The following BNC2 variants were observed in gnomAD, a reference collection of about 807,000 sequenced individuals.
The protein encoded by BNC2 is basonuclin zinc finger protein 2, also known as zinc finger protein basonuclin-2.
Under a neutral mutation model 76.3 loss-of-function variants are expected in BNC2, and 20 were observed. The observed-to-expected ratio is 0.26, with a 90% CI of 0.18 to 0.38. The LOEUF (loss-of-function observed/expected upper bound fraction) is 0.38. BNC2 is among the 10% of genes least tolerant of loss of function. The probability of loss-of-function intolerance (pLI) is 1.00; values close to 1 mark genes in which losing one functional copy is unlikely to be tolerated. For synonymous variants in BNC2, 582 were observed against 514.8 expected (o/e 1.13, Z -1.77); for missense variants, 1,382 against 1,399.8 (o/e 0.99, Z 0.20).
intron 1 of BNC2, among the ~76,000 whole-genome samples, chr9:16,741,778 TG>T (rs1404244308): frequency 1.3e-5 from 2 of 151,906 alleles, no homozygotes; most frequent in East Asian, 3.9e-4. Flanking sequence ...GCCAACGTGG[TG>T]AAACCCCGTC....
At chr9:16,510,453 TC>T (rs571139023) in intron 5 of BNC2, among the ~76,000 whole-genome samples, 156 of 152,326 alleles carry the variant, frequency 1.0e-3, no homozygotes, top group Admixed American at 1.6e-3. Flanking sequence ...GTATCTGACC[TC>T]CTTTCACGTA....
chr9:16,676,282 TA>T (rs1822639842), intron 3 of BNC2, among the ~76,000 whole-genome samples: 1 of 152,170 alleles, frequency 6.6e-6, no homozygotes, highest in African/African-American at 2.4e-5. Context: ...TATTCTTATA[TA>T]AAAATATGGA....
chr9:16,612,881 T>C (rs1820588973), intron 3 of BNC2, among the ~76,000 whole-genome samples: 1 of 152,182 alleles, frequency 6.6e-6, no homozygotes, highest in Non-Finnish European at 1.5e-5. Context: ...TGTCTTGTTT[T>C]ACTTGGCACC....
intron 3 of BNC2, among the ~76,000 whole-genome samples, chr9:16,702,553 A>G (rs1229224170): frequency 6.6e-6 from 1 of 152,004 alleles, no homozygotes; most frequent in Non-Finnish European, 1.5e-5. Context: ...AAAAAAAAAA[A>G]AAAGACATCT....
intron 6 of BNC2, among the ~76,000 whole-genome samples, chr9:16,433,570 T>C (rs1229619811): frequency 6.6e-6 from 1 of 152,212 alleles, no homozygotes; most frequent in Non-Finnish European, 1.5e-5. Context: ...AATATTTTCC[T>C]GCTATCAATA....
At chr9:16,848,007 C>G (rs1269937751) in intron 1 of BNC2, among the ~76,000 whole-genome samples, 1 of 152,214 alleles carries the variant, frequency 6.6e-6, no homozygotes, top group Non-Finnish European at 1.5e-5. Flanking sequence ...TTCTAAGTCT[C>G]TGTTCAAAGA....
chr9:16,601,989 T>C (rs1319686744), intron 3 of BNC2, among the ~76,000 whole-genome samples: 2 of 152,198 alleles, frequency 1.3e-5, no homozygotes, highest in Non-Finnish European at 2.9e-5. Flanking sequence ...CGTCAAAGTA[T>C]GGAGCCATAT....
intron 1 of BNC2, among the ~76,000 whole-genome samples, chr9:16,741,229 G>A (rs1345837312): frequency 2.0e-5 from 3 of 152,072 alleles, no homozygotes; most frequent in East Asian, 1.9e-4. Context: ...CGAGGTGGGC[G>A]GATCACCTGA....
At chr9:16,508,490 C>T (rs532357113) in intron 5 of BNC2, among the ~76,000 whole-genome samples, 1 of 152,346 alleles carries the variant, frequency 6.6e-6, no homozygotes, top group South Asian at 2.1e-4. Flanking sequence ...GACGTTCAAG[C>T]CACTATCCAT....
chr9:16,449,264 G>A (rs769363451), intron 5 of BNC2, among the ~76,000 whole-genome samples: 6 of 152,116 alleles, frequency 3.9e-5, no homozygotes, highest in Admixed American at 2.0e-4. Context: ...AGCTGCAAAC[G>A]TGCCATTAGA....
chr9:16,515,082 A>G (rs1375025178), intron 5 of BNC2, among the ~76,000 whole-genome samples: 2 of 152,204 alleles, frequency 1.3e-5, no homozygotes, highest in Non-Finnish European at 2.9e-5. Flanking sequence ...CTATTTACAT[A>G]ATTCTTGCAT....
In BNC2 at chr9:16,707,252, C is replaced by G. The variant is rs183968614; in HGVS notation, c.330+20545G>C. ...AGACATTTGATTTTTTTCAAGTAAT[C>G]TGATTTATTATCAATGTGCATATTC... On this transcript the variant is annotated intron_variant, in intron 3 of 6. Coordinates refer to ENST00000380672, the MANE Select transcript of BNC2 (RefSeq NM_017637.6). Among the ~76,000 whole-genome samples, 129 of 150,866 alleles carry G rather than the reference C, an allele frequency of 8.6e-4. 2 individuals carry two copies. The highest frequency in any genetic ancestry group is 3.0e-3 in the African/African-American group (125 of 41,372).
rs183650881 is a variant in BNC2, at chr9:16,643,148, C to G, written c.331-60063G>C. Among the ~76,000 whole-genome samples, 10 of 151,796 alleles carry G rather than the reference C, an allele frequency of 6.6e-5. No individual in the cohort carries two copies. The East Asian group carries it at 1.9e-3, about 29-fold the overall frequency. On this transcript the variant is annotated intron_variant, in intron 3 of 6. Coordinates refer to ENST00000380672, the MANE Select transcript of BNC2 (RefSeq NM_017637.6). ...AGCTGGCATTAATTTGGGATTAAAACGTATGAGGTTAGCCGGGCATGGTGG... is the reference window on the plus strand; with the variant it reads ...AGCTGGCATTAATTTGGGATTAAAAGGTATGAGGTTAGCCGGGCATGGTGG...
intron 4 of BNC2, among the ~76,000 whole-genome samples, chr9:16,563,445 C>A (rs1245437324): frequency 2.0e-5 from 3 of 151,836 alleles, no homozygotes; most frequent in South Asian, 2.1e-4. Flanking sequence ...AGAGCGAAAC[C>A]CTGTATCTAC....
At chr9:16,534,552 T>C (rs1212510258) in intron 5 of BNC2, among the ~76,000 whole-genome samples, 1 of 152,160 alleles carries the variant, frequency 6.6e-6, no homozygotes, top group Non-Finnish European at 1.5e-5. Flanking sequence ...AATTGCATGT[T>C]TGTCTTCTGG....
chr9:16,777,043 T>C (rs917341408), intron 1 of BNC2, among the ~76,000 whole-genome samples: 1 of 151,846 alleles, frequency 6.6e-6, no homozygotes, highest in Non-Finnish European at 1.5e-5. Flanking sequence ...AGAGAATCAC[T>C]TGAACCTAGG....
At chr9:16,468,981 T>C (rs1262736163) in intron 5 of BNC2, among the ~76,000 whole-genome samples, 1 of 152,196 alleles carries the variant, frequency 6.6e-6, no homozygotes, top group African/African-American at 2.4e-5. Context: ...AATGAAAATG[T>C]TTGCTGAATG....
At chr9:16,658,834 C>A (rs1005110834) in intron 3 of BNC2, among the ~76,000 whole-genome samples, 1 of 152,140 alleles carries the variant, frequency 6.6e-6, no homozygotes, top group Admixed American at 6.5e-5. Flanking sequence ...CCACACCCCC[C>A]ACCCAACTTT....
chr9:16,689,889 C>G (rs1331714995), intron 3 of BNC2, among the ~76,000 whole-genome samples: 1 of 152,152 alleles, frequency 6.6e-6, no homozygotes, highest in Non-Finnish European at 1.5e-5. Context: ...CCAGGAGTCC[C>G]TGTGAGAAAG....
Sources: allele counts gnomAD v4.1 joint callset (sites outside exome capture counted in the v4.1 genomes callset), GRCh38; gene constraint gnomAD v4.1.1; transcripts MANE v1.5; gene names NCBI Gene and HGNC (gene_info 2026-07-23, HGNC 2026-07-21).